PDE4D: variants seen among roughly 807,000 people sequenced by gnomAD.
PDE4D encodes the protein 3',5'-cyclic-AMP phosphodiesterase 4D.
A neutral mutation model predicts 87.4 loss-of-function variants in PDE4D; 24 were observed. That is an observed-to-expected ratio of 0.27 (90% CI 0.20 to 0.39). The LOEUF (loss-of-function observed/expected upper bound fraction) is 0.39, where lower values mean the gene tolerates loss of function less well. Among genes scored for constraint, PDE4D ranks in the 10% least tolerant of loss-of-function variants. The pLI is 1.00. For synonymous variants in PDE4D, 384 were observed against 383.2 expected, an observed-to-expected ratio of 1.00 and a Z score of -0.02; for missense variants, 714 against 1,041.0, an observed-to-expected ratio of 0.69 and a Z score of 4.32.
chr5:60,084,884 G>A (rs1032810653), intron 2 of PDE4D, among the ~76,000 whole-genome samples: 7 of 152,174 alleles, frequency 4.6e-5, no homozygotes, highest in African/African-American at 1.7e-4. Flanking sequence ...TAATGATCCA[G>A]CAATGAGGAA....
chr5:60,209,258 C>T (rs1460321455), intron 1 of PDE4D, among the ~76,000 whole-genome samples: 5 of 148,166 alleles, frequency 3.4e-5, no homozygotes, highest in Non-Finnish European at 7.4e-5. Context: ...AGCACTAGAA[C>T]CCTTATACTT....
At chr5:59,042,916 A>G (rs568515712) in intron 5 of PDE4D, among the ~76,000 whole-genome samples, 2 of 152,322 alleles carry the variant, frequency 1.3e-5, no homozygotes, top group Non-Finnish European at 2.9e-5. Flanking sequence ...TGAAAAAGGA[A>G]AAAAGTAATC....
At chr5:59,110,697 C>A (rs956966844) in intron 5 of PDE4D, among the ~76,000 whole-genome samples, 1 of 152,026 alleles carries the variant, frequency 6.6e-6, no homozygotes, top group African/African-American at 2.4e-5. Flanking sequence ...CATGGCGAGA[C>A]CCGATCTTTA....
At chr5:59,128,284 G>T (rs1484862277) in intron 5 of PDE4D, among the ~76,000 whole-genome samples, 1 of 151,584 alleles carries the variant, frequency 6.6e-6, no homozygotes, top group Non-Finnish European at 1.5e-5. Context: ...TTTTAATAAA[G>T]AAAAAGAAAT....
chr5:59,801,918 G>A (rs2152666523), intron 1 of PDE4D, among the ~76,000 whole-genome samples: 1 of 152,192 alleles, frequency 6.6e-6, no homozygotes. Flanking sequence ...TCCAAATAAA[G>A]TTCATGCTTT....
chr5:59,155,277 A>C (rs898930844), intron 5 of PDE4D, among the ~76,000 whole-genome samples: 1 of 152,238 alleles, frequency 6.6e-6, no homozygotes, highest in African/African-American at 2.4e-5. Flanking sequence ...GACCATGAAG[A>C]ATAGTGAAAA....
chr5:59,876,590 C>A (rs967255387), intron 1 of PDE4D, among the ~76,000 whole-genome samples: 16 of 152,118 alleles, frequency 1.1e-4, no homozygotes, highest in African/African-American at 3.9e-4. Flanking sequence ...GGATTTTTAT[C>A]ATAATGTCTC....
intron 1 of PDE4D, among the ~76,000 whole-genome samples, chr5:59,691,213 A>G (rs1407982394): frequency 2.0e-5 from 3 of 152,226 alleles, no homozygotes; most frequent in African/African-American, 4.8e-5. Context: ...CAGCCATCCC[A>G]TTACTGGGTA....
chr5:60,245,255 T>C (rs1401679251), intron 1 of PDE4D, among the ~76,000 whole-genome samples: 1 of 151,980 alleles, frequency 6.6e-6, no homozygotes, highest in Non-Finnish European at 1.5e-5. Flanking sequence ...CTCATTAAAA[T>C]GGCTTTTATC....
intron 1 of PDE4D, among the ~76,000 whole-genome samples, chr5:59,720,291 A>G (rs1424907563): frequency 6.6e-6 from 1 of 152,120 alleles, no homozygotes; most frequent in Non-Finnish European, 1.5e-5. Context: ...TCTCCTGAGT[A>G]GCCAGGTATG....
intron 3 of PDE4D, among the ~76,000 whole-genome samples, chr5:59,941,112 A>T (rs1036338602): frequency 6.6e-6 from 1 of 152,166 alleles, no homozygotes; most frequent in Non-Finnish European, 1.5e-5. Flanking sequence ...GGGCTGGATT[A>T]TTTTAATAAG....
chr5:59,815,709 A>G (rs1768901110), intron 1 of PDE4D, among the ~76,000 whole-genome samples: 2 of 152,240 alleles, frequency 1.3e-5, no homozygotes, highest in Non-Finnish European at 2.9e-5. Context: ...ATTTCAACAA[A>G]GCATTTCACA....
chr5:59,871,232 C>T (rs1292205422), intron 1 of PDE4D, among the ~76,000 whole-genome samples: 2 of 152,128 alleles, frequency 1.3e-5, no homozygotes, highest in East Asian at 3.9e-4. Flanking sequence ...CAAAAAATGG[C>T]CTAGAAGTCA....
intron 2 of PDE4D, among the ~76,000 whole-genome samples, chr5:60,119,735 TACTC>T (rs1049562990): frequency 2.6e-5 from 4 of 152,204 alleles, no homozygotes; most frequent in Admixed American, 6.5e-5. Flanking sequence ...CACACACTCA[TACTC>T]ACACTCACAC....
intron 1 of PDE4D, among the ~76,000 whole-genome samples, chr5:59,762,747 A>G (rs1230819681): frequency 6.8e-6 from 1 of 147,506 alleles, no homozygotes; most frequent in African/African-American, 2.5e-5. Context: ...ATATATGTAT[A>G]TAGGTACATA....
rs1374436576 is a variant in PDE4D at position 58,990,035 on chromosome 5, G to A, written c.1288-116C>T. The A allele has an allele frequency of 1.9e-5, 12 of 638,926 alleles. No homozygotes were observed. In the East Asian group the frequency reaches 2.7e-4, roughly 14 times the overall value. The allele number at this position is 638,926 out of a possible 1,614,324, so 39.6% of individuals were successfully genotyped here. On this transcript the variant is annotated intron_variant, in intron 9 of 14. Transcript: ENST00000340635. ...GTTGCCAGTGGATAACCTGGAAATGGCAACTGCACTCTCACATGTCTAGTG... is the reference window on the plus strand; with the variant it reads ...GTTGCCAGTGGATAACCTGGAAATGACAACTGCACTCTCACATGTCTAGTG...
chr5:59,794,137 GCA>G (rs58204799), intron 1 of PDE4D, among the ~76,000 whole-genome samples: 22,803 of 144,468 alleles, frequency 0.16, 1,705 homozygotes, highest in Admixed American at 0.22. Context: ...ACACAGAGGC[GCA>G]CACACACACA....
chr5:59,363,558 A>G (rs2153594428), intron 1 of PDE4D, among the ~76,000 whole-genome samples: 1 of 152,306 alleles, frequency 6.6e-6, no homozygotes, highest in South Asian at 2.1e-4. Context: ...TTTCACAGGA[A>G]AAACAATTGG....
intron 1 of PDE4D, among the ~76,000 whole-genome samples, chr5:59,345,493 T>G (rs1385075135): frequency 6.6e-6 from 1 of 152,178 alleles, no homozygotes; most frequent in Non-Finnish European, 1.5e-5. Context: ...TTTCTGCATA[T>G]CAGATCGTTT....
Sources: allele counts gnomAD v4.1 joint callset (sites outside exome capture counted in the v4.1 genomes callset), GRCh38; gene constraint gnomAD v4.1.1; transcripts MANE v1.5; gene names NCBI Gene and HGNC (gene_info 2026-07-23, HGNC 2026-07-21).